Variants in PCDHGA3 observed in about 807,000 individuals in gnomAD.
PCDHGA3 encodes the protein protocadherin gamma-A3.
PCDHGA3 carries 40 observed loss-of-function variants against 58.5 expected under a neutral mutation model. The observed-to-expected ratio is 0.68, with a 90% CI of 0.53 to 0.89. The LOEUF is 0.89. Among genes scored for constraint, PCDHGA3 ranks in the 40% least tolerant of loss-of-function variants. The pLI is 0.00. For missense variants in PCDHGA3, 1,223 were observed against 1,195.9 expected (o/e 1.02, Z -0.33); for synonymous variants, 530 against 525.7 (o/e 1.01, Z -0.11).
Position 141,477,439 on chromosome 5 carries a change from A to C in PCDHGA3, c.2425-17368A>C. 1 of 1,614,142 alleles carries C rather than the reference A, an allele frequency of 6.2e-7. No homozygotes were observed. Among genetic ancestry groups the C allele is most frequent in the Non-Finnish European group, 8.5e-7 (1 of 1,180,016 alleles). On this transcript the variant is annotated intron_variant, in intron 1 of 3. Transcript: ENST00000253812. This position sits in a 1 kb window ranked among gnomAD's most constrained non-coding sequence, Gnocchi z 4.9. ...GAACCCCTTCCCTCTCAGCCCTTAC[A>C]ATAGTGCGTGTTCAAGTGTCCGACA... is the stretch of plus-strand genomic sequence containing the variant.
chr5:141,478,315 A>G, intron 1 of PCDHGA3: 1 of 1,613,998 alleles, frequency 6.2e-7, no homozygotes, highest in Non-Finnish European at 8.5e-7. Flanking sequence ...CGGTGAGCTC[A>G]CTGTACCGAA....
intron 1 of PCDHGA3, chr5:141,395,501 A>T: frequency 2.1e-6 from 1 of 467,130 alleles, no homozygotes; most frequent in African/African-American, 2.0e-5. Context: ...TCATTCACTT[A>T]AGAAGTAGCT....
intron 1 of PCDHGA3, chr5:141,356,561 A>T: frequency 6.2e-7 from 1 of 1,614,016 alleles, no homozygotes; most frequent in Admixed American, 1.7e-5. Flanking sequence ...ACTTTCCCTC[A>T]TGCTTCCTAC....
At chr5:141,355,995 AG>A in intron 1 of PCDHGA3, 1 of 1,613,888 alleles carries the variant, frequency 6.2e-7, no homozygotes, top group Non-Finnish European at 8.5e-7. Context: ...TCACCGTAAA[AG>A]CCACTGATCC....
intron 1 of PCDHGA3, among the ~76,000 whole-genome samples, chr5:141,465,905 G>A (rs938438286): frequency 6.6e-6 from 1 of 151,958 alleles, no homozygotes; most frequent in Admixed American, 6.6e-5. Flanking sequence ...GGCAAATCAC[G>A]AGGTCAGGAT....
chr5:141,432,120 A>G lies in PCDHGA3; in HGVS notation c.2425-62687A>G, dbSNP rs764363553. 12 of 1,613,978 alleles carry G rather than the reference A, an allele frequency of 7.4e-6. No homozygotes were observed. The highest frequency in any genetic ancestry group is 5.3e-5 in the African/African-American group (4 of 74,894). ...AACGACAACCCGCCGGTCTTCCCTCAGGCCTCCTATTCCGCTTATATCCCA... is the reference window on the plus strand; with the variant it reads ...AACGACAACCCGCCGGTCTTCCCTCGGGCCTCCTATTCCGCTTATATCCCA... On this transcript the variant is annotated intron_variant, in intron 1 of 3. Transcript: ENST00000253812. The surrounding 1 kb of genome is among the most constrained non-coding windows in gnomAD (Gnocchi z 6.0).
At chr5:141,415,551 C>T (rs745641887) in intron 1 of PCDHGA3, 1 of 1,614,132 alleles carries the variant, frequency 6.2e-7, no homozygotes, top group South Asian at 1.1e-5. Context: ...GTGAGAAAAA[C>T]GATCCTTTGT....
chr5:141,389,002 A>T (rs749693513), intron 1 of PCDHGA3: 25 of 1,613,966 alleles, frequency 1.5e-5, no homozygotes, highest in Admixed American at 3.3e-5. Context: ...CGTGACAAGG[A>T]TTCCAGACAC....
intron 1 of PCDHGA3, chr5:141,383,093 G>T (rs1778804581): frequency 1.2e-5 from 20 of 1,613,930 alleles, no homozygotes; most frequent in Non-Finnish European, 1.7e-5. Flanking sequence ...CGCGGAGTCC[G>T]CATCATCTCC....
intron 1 of PCDHGA3, chr5:141,374,693 G>A (rs1222347266): frequency 6.2e-7 from 1 of 1,609,316 alleles, no homozygotes; most frequent in Non-Finnish European, 8.5e-7. Flanking sequence ...GGACCGGGAA[G>A]GAGAAGCCGT....
At chr5:141,478,620 G>A (rs1400703951) in intron 1 of PCDHGA3, 2 of 1,555,472 alleles carry the variant, frequency 1.3e-6, no homozygotes, top group East Asian at 2.4e-5. Context: ...AAGGAATGGA[G>A]CTGTTTTTTT....
intron 1 of PCDHGA3, among the ~76,000 whole-genome samples, chr5:141,373,736 A>G (rs1260777730): frequency 6.6e-6 from 1 of 152,226 alleles, no homozygotes. Flanking sequence ...TAAATGCTTC[A>G]TTATCTTGGG....
At chr5:141,404,950 C>T (rs2094588760) in intron 1 of PCDHGA3, 2 of 1,613,968 alleles carry the variant, frequency 1.2e-6, no homozygotes, top group East Asian at 4.5e-5. Flanking sequence ...CCATAGCTGA[C>T]AGCATCCCAG....
intron 1 of PCDHGA3, among the ~76,000 whole-genome samples, chr5:141,455,425 A>G (rs2098822334): frequency 1.3e-5 from 2 of 152,168 alleles, no homozygotes; most frequent in African/African-American, 2.4e-5. Flanking sequence ...CGGGGCTCCA[A>G]AAGAGGAGGT....
chr5:141,397,438 G>A (rs1330293325), intron 1 of PCDHGA3, among the ~76,000 whole-genome samples: 5 of 152,140 alleles, frequency 3.3e-5, no homozygotes, highest in Admixed American at 2.6e-4. Context: ...CCTAATATGT[G>A]TAATATAAAA....
At chr5:141,360,787 G>A (rs758998647) in intron 1 of PCDHGA3, 14 of 1,613,764 alleles carry the variant, frequency 8.7e-6, no homozygotes, top group African/African-American at 1.3e-5. Flanking sequence ...TGTGGATGGC[G>A]GAGACCCACC....
chr5:141,417,633 G>C, intron 1 of PCDHGA3: 1 of 712,146 alleles, frequency 1.4e-6, no homozygotes, highest in South Asian at 2.3e-5. Flanking sequence ...CGCTGACGCC[G>C]GGGATCCCTC....
intron 1 of PCDHGA3, among the ~76,000 whole-genome samples, chr5:141,381,816 CT>C (rs747432194): frequency 4.2e-4 from 52 of 122,544 alleles, no homozygotes; most frequent in Admixed American, 1.7e-3. Flanking sequence ...TTCTTTCTTT[CT>C]TTCTTCTTCT....
intron 1 of PCDHGA3, chr5:141,388,609 TCA>T: frequency 6.2e-7 from 1 of 1,613,926 alleles, no homozygotes; most frequent in Non-Finnish European, 8.5e-7. Flanking sequence ...GCTCCAGTGT[TCA>T]GTCAAGACGT....
Sources: gnomAD v4.1 joint callset for allele counts (sites outside exome capture counted in the v4.1 genomes callset) on GRCh38, gnomAD v4.1.1 for gene constraint, Gnocchi (gnomAD v3.1) non-coding constraint, MANE v1.5 for transcripts, NCBI Gene and HGNC (gene_info 2026-07-23, HGNC 2026-07-21) for gene names.